PPP6R1: variants seen among roughly 807,000 people sequenced by gnomAD.
The protein encoded by PPP6R1 is serine/threonine-protein phosphatase 6 regulatory subunit 1.
PPP6R1 carries 39 observed loss-of-function variants against 104.6 expected under a neutral mutation model. The observed-to-expected ratio is 0.37, with a 90% CI of 0.29 to 0.49. The LOEUF is 0.49. Among genes scored for constraint, PPP6R1 ranks in the 20% least tolerant of loss-of-function variants. The pLI is 0.98. For missense variants in PPP6R1, 1,181 were observed against 1,155.8 expected, an observed-to-expected ratio of 1.02 and a Z score of -0.32; for synonymous variants, 549 against 479.0, an observed-to-expected ratio of 1.15 and a Z score of -1.91.
chr19:55,256,106 A>G (rs7258683), intron 1 of PPP6R1, among the ~76,000 whole-genome samples: 77 of 152,394 alleles, frequency 5.1e-4, no homozygotes, highest in African/African-American at 1.8e-3. Context: ...CAGGGGGACC[A>G]GACAAGCAGG....
Position 55,239,931 on chromosome 19 carries a change from G to T in PPP6R1, c.1478-20C>A. 1 of 1,613,606 alleles carries T rather than the reference G, an allele frequency of 6.2e-7. No individual in the cohort carries two copies. The highest frequency in any genetic ancestry group is 8.5e-7 in the Non-Finnish European group (1 of 1,179,776). Reference sequence around the variant, plus strand: ...GCAGCTCTGCTTAGGTGAGAGGGGTGAAGACGTGAGGCATCTCGGGGCTTC... The same window carrying T: ...GCAGCTCTGCTTAGGTGAGAGGGGTTAAGACGTGAGGCATCTCGGGGCTTC... On this transcript the variant is annotated intron_variant, in intron 12 of 23. Coordinates refer to ENST00000412770, the MANE Select transcript of PPP6R1 (RefSeq NM_014931.4).
intron 5 of PPP6R1, 42 bp from the exon 6 acceptor site, chr19:55,242,530 C>T (rs760365489): frequency 2.1e-5 from 32 of 1,545,488 alleles, no homozygotes; most frequent in African/African-American, 8.2e-5. Context: ...GTCGGGCCAC[C>T]GGGCCCTCTG....
At chr19:55,230,561 G>C in intron 23 of PPP6R1, 30 bp from the exon 24 acceptor site, 1 of 1,613,588 alleles carries the variant, frequency 6.2e-7, no homozygotes, top group Non-Finnish European at 8.5e-7. Context: ...TCGTGTGAGG[G>C]TCTAGCAGGC....
At chr19:55,231,152 C>T (rs1331083752) in intron 21 of PPP6R1, among the ~76,000 whole-genome samples, 1 of 152,142 alleles carries the variant, frequency 6.6e-6, no homozygotes, top group African/African-American at 2.4e-5. Context: ...CTTCTGCATG[C>T]TCTCACCCTC....
downstream of PPP6R1, chr19:55,228,783 T>C (rs368471055): frequency 8.1e-6 from 13 of 1,604,908 alleles, no homozygotes; most frequent in African/African-American, 1.5e-4. Flanking sequence ...TGGGAGCGAG[T>C]GGCTTCAGGG....
rs540778455 is a variant in PPP6R1, at chr19:55,232,004, G to C, written c.2126-22C>G. The C allele has an allele frequency of 3.7e-6, 6 of 1,605,484 alleles. No homozygotes were observed. In the South Asian group the frequency reaches 5.5e-5, roughly 15 times the overall value. On this transcript the variant is annotated intron_variant, in intron 18 of 23. Transcript: ENST00000412770. ...GGGCCTGGGATAGAGGTGGGGGAGC[G>C]GGATGGAGGGTGAACTCAGTAGCAG...
chr19:55,242,714 C>T, intron 5 of PPP6R1: 2 of 535,922 alleles, frequency 3.7e-6, no homozygotes. Flanking sequence ...GGCATCCACA[C>T]AAGGCCCTCA....
At chr19:55,254,709 C>G (rs1296460601) in intron 1 of PPP6R1, among the ~76,000 whole-genome samples, 1 of 152,196 alleles carries the variant, frequency 6.6e-6, no homozygotes, top group Non-Finnish European at 1.5e-5. Context: ...GGCCCCCTGG[C>G]CGGTACCCTA....
In PPP6R1 at chr19:55,230,251, A is replaced by G; in HGVS notation, c.*277T>C. On this transcript the variant is annotated 3_prime_UTR_variant, in exon 24 of 24. Transcript: ENST00000412770. ...CTCTCGCTCTCCTCCCTCTCTCTATATAATATATAATATATGTTTCTCTCT... is the reference window on the plus strand; with the variant it reads ...CTCTCGCTCTCCTCCCTCTCTCTATGTAATATATAATATATGTTTCTCTCT... The G allele has an allele frequency of 1.9e-6, 1 of 521,284 alleles. No individual in the cohort carries two copies. The highest frequency in any genetic ancestry group is 3.4e-6 in the Non-Finnish European group (1 of 290,290). The allele number at this position is 521,284 out of a possible 1,614,324, so 32.3% of individuals were successfully genotyped here.
Position 55,242,401 on chromosome 19 carries a change from C to A in PPP6R1, c.706G>T (p.Asp236Tyr). Residue 236 changes from aspartate to tyrosine, a missense_variant, in exon 6 of 24, where the codon GAC (aspartate) becomes TAC (tyrosine). Asp to Tyr is a radical substitution (Grantham distance 160). Around this residue, in one of 2 missense-constraint regions of PPP6R1, gnomAD observed 1,042 missense variants for 955.6 expected, o/e 1.09. Coordinates refer to ENST00000412770, the MANE Select transcript of PPP6R1 (RefSeq NM_014931.4). ...TTCTCCAGGGTGGCCAGCAGTTGGT[C>A]AGGCTCTGGGCTGTCCTGGACTTGG... ...MIQVQDSPEP[D>Y]QLLATLEKQE... is the part of the protein sequence containing the mutation. 6.2e-7 allele frequency: 1 copy of A among 1,613,928 alleles called. No homozygotes were observed. The highest frequency in any genetic ancestry group is 1.7e-5 in the Admixed American group (1 of 60,024).
Position 55,230,464 on chromosome 19 carries a change from T to G in PPP6R1, c.*64A>C. On this transcript the variant is annotated 3_prime_UTR_variant, in exon 24 of 24. Coordinates refer to ENST00000412770, the MANE Select transcript of PPP6R1 (RefSeq NM_014931.4). ...ATGGGGGCCATCGTGGGACCCGCCC[T>G]GCCCCCACCCCGGGAGATCCACGGG... 1.3e-6 allele frequency: 2 copies of G among 1,569,022 alleles called. No homozygotes were observed. Among genetic ancestry groups the G allele is most frequent in the Non-Finnish European group, 1.7e-6 (2 of 1,143,370 alleles).
intron 1 of PPP6R1, among the ~76,000 whole-genome samples, chr19:55,250,241 C>T (rs1191345173): frequency 6.6e-6 from 1 of 152,238 alleles, no homozygotes; most frequent in African/African-American, 2.4e-5. Context: ...CTCACAACCA[C>T]CCTCCAGGGA....
In PPP6R1 at chr19:55,243,404, C is replaced by CAAAA. The variant is rs58375899; in HGVS notation, c.619-920_619-917dup. ...CTCTAGACAGAGCGAGACTCCATCT[C>CAAAA]AAAAAAAAAAAAAAAAAAAGAAAGG... On this transcript the variant is annotated intron_variant, in intron 5 of 23. Transcript: ENST00000412770. Among the ~76,000 whole-genome samples the CAAAA allele has an allele frequency of 3.1e-4, 15 of 49,116 alleles. 1 individual carries two copies. The highest frequency in any genetic ancestry group is 7.8e-4 in the African/African-American group (11 of 14,110). 32.2% of individuals were successfully genotyped at this position (49,116 alleles called of 152,430 possible). A position where few individuals can be genotyped will look rare whatever the true frequency, so the allele number is the denominator to read the frequency against.
chr19:55,249,066 G>T (rs2087533225), intron 1 of PPP6R1, among the ~76,000 whole-genome samples: 1 of 152,230 alleles, frequency 6.6e-6, no homozygotes, highest in African/African-American at 2.4e-5. Context: ...AATGACAGTT[G>T]AGGGTGGAGC....
chr19:55,243,281 T>C (rs1292102985), intron 5 of PPP6R1, among the ~76,000 whole-genome samples: 4 of 151,322 alleles, frequency 2.6e-5, no homozygotes, highest in East Asian at 1.9e-4. Context: ...GGCGCAGTGG[T>C]AGGCGCCTGT....
chr19:55,232,897 G>A (rs954624725), intron 17 of PPP6R1: 1 of 152,366 alleles, frequency 6.6e-6, no homozygotes, highest in African/African-American at 2.4e-5. Flanking sequence ...AGGCGATTTT[G>A]CTATTGTGTG....
At position 55,245,041 on chromosome 19, in the gene PPP6R1, A is replaced by G. The variant is rs899373587; in HGVS notation, c.618+79T>C. 2.2e-5 allele frequency: 34 copies of G among 1,557,968 alleles called. No individual in the cohort carries two copies. Among genetic ancestry groups the G allele is most frequent in the Middle Eastern group, 1.8e-4 (1 of 5,638 alleles). ...GCGTGAGCCACTGCGTCCAGCCCCA[A>G]TTCCTCTTTTAAAAGTGGGGAAGTG... On this transcript the variant is annotated intron_variant, in intron 5 of 23. Coordinates refer to ENST00000412770, the MANE Select transcript of PPP6R1 (RefSeq NM_014931.4). This position sits in a 1 kb window ranked among gnomAD's most constrained non-coding sequence, Gnocchi z 6.4.
chr19:55,235,859 T>G (rs1204210347), intron 17 of PPP6R1, among the ~76,000 whole-genome samples: 2 of 148,396 alleles, frequency 1.3e-5, no homozygotes, highest in East Asian at 3.9e-4. Flanking sequence ...TTTTTTTTTT[T>G]TGAGACCAGG....
chr19:55,255,407 C>A (rs1227230200), intron 1 of PPP6R1, among the ~76,000 whole-genome samples: 2 of 152,176 alleles, frequency 1.3e-5, no homozygotes, highest in Non-Finnish European at 2.9e-5. Context: ...AGCTTGCATT[C>A]CCATTTGACC....
Sources: gnomAD v4.1 joint callset for allele counts (sites outside exome capture counted in the v4.1 genomes callset) on GRCh38, gnomAD v4.1.1 for gene constraint, gnomAD v4.1.1 regional missense constraint, Gnocchi (gnomAD v3.1) non-coding constraint, MANE v1.5 for transcripts, NCBI Gene and HGNC (gene_info 2026-07-23, HGNC 2026-07-21) for gene names.